SLC2A12: variants seen among roughly 807,000 people sequenced by gnomAD.
The protein encoded by SLC2A12 is solute carrier family 2 member 12.
Under a neutral mutation model 41.8 loss-of-function variants are expected in SLC2A12, and 23 were observed. That is an observed-to-expected ratio of 0.55 (90% CI 0.40 to 0.78). SLC2A12 has a LOEUF of 0.78. Among genes scored for constraint, SLC2A12 ranks in the 30% least tolerant of loss-of-function variants. The pLI is 0.00. For missense variants in SLC2A12, 654 were observed against 745.6 expected, an observed-to-expected ratio of 0.88 and a Z score of 1.43; for synonymous variants, 295 against 285.9, an observed-to-expected ratio of 1.03 and a Z score of -0.32.
chr6:134,038,744 C>T (rs1306781653), intron 1 of SLC2A12, among the ~76,000 whole-genome samples: 22 of 111,810 alleles, frequency 2.0e-4, no homozygotes, highest in East Asian at 2.6e-4. Context: ...CTCGCTCTTT[C>T]GCCCAGGCTG....
At chr6:134,022,796 A>G (rs1448967393) in intron 2 of SLC2A12, among the ~76,000 whole-genome samples, 1 of 152,238 alleles carries the variant, frequency 6.6e-6, no homozygotes, top group East Asian at 1.9e-4. Flanking sequence ...AAATGGAGTC[A>G]GGAGGGCAAG....
intron 1 of SLC2A12, among the ~76,000 whole-genome samples, chr6:134,036,168 C>CT (rs563979768): frequency 5.9e-5 from 9 of 152,276 alleles, no homozygotes; most frequent in Middle Eastern, 3.4e-3. Context: ...CAGGTGGTTT[C>CT]TTTTTTTCTT....
chr6:133,995,215 G>A (rs1366035203), intron 4 of SLC2A12, among the ~76,000 whole-genome samples: 1 of 152,158 alleles, frequency 6.6e-6, no homozygotes, highest in Admixed American at 6.5e-5. Flanking sequence ...GTTTTGTTTT[G>A]TTTTTAAAAA....
chr6:134,044,880 T>A (rs1049270311), intron 1 of SLC2A12, among the ~76,000 whole-genome samples: 4 of 152,194 alleles, frequency 2.6e-5, no homozygotes, highest in African/African-American at 9.7e-5. Context: ...CCTTCAACAA[T>A]TAAGCATGAA....
intron 2 of SLC2A12, 119 bp from the exon 3 acceptor site, chr6:134,007,053 C>CAGG (rs201109767): frequency 3.8e-5 from 48 of 1,271,656 alleles, no homozygotes; most frequent in Middle Eastern, 5.6e-4. Context: ...GGTTGGGAAG[C>CAGG]ACCATTTCCT....
At chr6:134,026,579 G>A (rs2811678) in intron 2 of SLC2A12, among the ~76,000 whole-genome samples, 151,902 of 152,362 alleles carry the variant, frequency 1, 75,726 homozygotes, top group Middle Eastern at 1. Context: ...GAACCCCAAA[G>A]TAATGGTAGA....
At chr6:134,031,150 G>A (rs1339768267) in intron 1 of SLC2A12, among the ~76,000 whole-genome samples, 1 of 152,154 alleles carries the variant, frequency 6.6e-6, no homozygotes, top group Non-Finnish European at 1.5e-5. Context: ...CCAGCACTTT[G>A]GGAGGCTGAG....
chr6:134,028,775 GC>G lies in SLC2A12; in HGVS notation c.1049del (p.Gly350AlafsTer4), dbSNP rs1284992664. 1.2e-6 allele frequency: 2 copies of G among 1,614,116 alleles called. No individual in the cohort carries two copies. Among genetic ancestry groups the G allele is most frequent in the African/African-American group, 2.7e-5 (2 of 74,946 alleles). On this transcript the variant is annotated frameshift_variant, in exon 2 of 5. Coordinates refer to ENST00000275230, the MANE Select transcript of SLC2A12 (RefSeq NM_145176.3). LOFTEE classifies it high-confidence loss of function. ...HVGSKTFLCI[G>X]SSVMAASLVT... ...CCAACGAAGCTGCCATCACAGAGGA[GC>G]CAATGCAGAGGAATGTTTTGCTGCC...
intron 4 of SLC2A12, among the ~76,000 whole-genome samples, chr6:133,994,671 T>G (rs1446778588): frequency 6.6e-6 from 1 of 152,054 alleles, no homozygotes; most frequent in Non-Finnish European, 1.5e-5. Flanking sequence ...GAGCTTGCAT[T>G]GAGCCGAGAT....
rs867420424 is a variant in SLC2A12, at chr6:134,028,858, C to T, written c.967G>A (p.Val323Ile). 8.7e-6 allele frequency: 14 copies of T among 1,614,184 alleles called. No individual in the cohort carries two copies. Among genetic ancestry groups the T allele is most frequent in the Non-Finnish European group, 1.1e-5 (13 of 1,180,036 alleles). The change falls in exon 2 of 5, where the codon GTT becomes ATT. Residue 323 changes from valine (V) to isoleucine (I), a missense_variant. Transcript: ENST00000275230. ...GTGCTAATGACCTTGACGACTCCAA[C>T]CCCAGTGGAGGCGAGGCTAGCTGCC... is the stretch of plus-strand genomic sequence containing the variant. ...NEAASLASTG[V>I]GVVKVISTIP...
At chr6:134,023,751 A>G (rs555007969) in intron 2 of SLC2A12, among the ~76,000 whole-genome samples, 1 of 152,346 alleles carries the variant, frequency 6.6e-6, no homozygotes, top group East Asian at 1.9e-4. Context: ...ATATATTTGA[A>G]TAATTAACAT....
At chr6:134,037,925 A>C (rs1421870818) in intron 1 of SLC2A12, among the ~76,000 whole-genome samples, 1 of 152,072 alleles carries the variant, frequency 6.6e-6, no homozygotes, top group Non-Finnish European at 1.5e-5. Flanking sequence ...CAAATGTCCA[A>C]CATGCTGCTC....
At chr6:134,031,235 T>C (rs1355314252) in intron 1 of SLC2A12, among the ~76,000 whole-genome samples, 1 of 151,858 alleles carries the variant, frequency 6.6e-6, no homozygotes, top group Non-Finnish European at 1.5e-5. Context: ...CTATTAAAAG[T>C]ACAAAAATAG....
chr6:134,032,391 T>A (rs1436734900), intron 1 of SLC2A12, among the ~76,000 whole-genome samples: 2 of 81,276 alleles, frequency 2.5e-5, no homozygotes, highest in African/African-American at 7.3e-5. Context: ...GGCATTTACC[T>A]GGGTACAGGG....
chr6:134,040,057 T>TG (rs1283492463), intron 1 of SLC2A12, among the ~76,000 whole-genome samples: 2 of 86,372 alleles, frequency 2.3e-5, no homozygotes, highest in Non-Finnish European at 4.3e-5. Context: ...TGTTGTTTTT[T>TG]GTTTTTTTTT....
At chr6:134,020,603 G>A (rs1464278345) in intron 2 of SLC2A12, among the ~76,000 whole-genome samples, 1 of 152,064 alleles carries the variant, frequency 6.6e-6, no homozygotes, top group East Asian at 1.9e-4. Context: ...TTGACTCTTA[G>A]CAAGAAAAAA....
chr6:134,034,792 ATTCACAATTAGCACT>A (rs1311616437), intron 1 of SLC2A12, among the ~76,000 whole-genome samples: 1 of 152,184 alleles, frequency 6.6e-6, no homozygotes, highest in Non-Finnish European at 1.5e-5. Context: ...TAAGATGAGG[ATTCACAATTAGCACT>A]TTTCCAAAAA....
chr6:133,992,647 G>A (rs9389124), intron 4 of SLC2A12, among the ~76,000 whole-genome samples: 65,498 of 151,894 alleles, frequency 0.43, 15,872 homozygotes, highest in Non-Finnish European at 0.57. Context: ...TGGAGGGAGA[G>A]AGAAGAGAGT....
At position 134,002,037 on chromosome 6, in the gene SLC2A12, C is replaced by G; in HGVS notation, c.1660G>C (p.Gly554Arg). 1 of 1,607,786 alleles carries G rather than the reference C, an allele frequency of 6.2e-7. No homozygotes were observed. Residue 554 changes from glycine (G) to arginine (R), a missense_variant, in exon 4 of 5, where the codon GGA becomes CGA. Physicochemically the swap from Gly to Arg is moderately radical, Grantham distance 125 (BLOSUM62 -2). This residue lies in a region of SLC2A12 where 134 missense variants were observed against 180.5 expected (regional missense o/e 0.74). Coordinates refer to ENST00000275230, the MANE Select transcript of SLC2A12 (RefSeq NM_145176.3). ...FVVMFIPETK[G>R]CSLEQISMEL... ...ATTGATATTTGTTCCAAAGAGCATCCCTTTGTCTCAGGTATAAACATAACA... is the reference window on the plus strand; with the variant it reads ...ATTGATATTTGTTCCAAAGAGCATCGCTTTGTCTCAGGTATAAACATAACA...
Sources: allele counts gnomAD v4.1 joint callset (sites outside exome capture counted in the v4.1 genomes callset), GRCh38; gene constraint gnomAD v4.1.1; regional missense constraint gnomAD v4.1.1; transcripts MANE v1.5; gene names NCBI Gene and HGNC (gene_info 2026-07-23, HGNC 2026-07-21).